The following PARD3 variants were observed in gnomAD, a reference collection of about 807,000 sequenced individuals.
PARD3 encodes partitioning defective 3 homolog.
A neutral mutation model predicts 155.4 loss-of-function variants in PARD3; 75 were observed. The observed-to-expected ratio is 0.48, with a 90% CI of 0.40 to 0.58. The LOEUF is 0.58. PARD3 is among the 20% of genes least tolerant of loss of function. The pLI is 0.00. For synonymous variants in PARD3, 576 were observed against 610.5 expected (o/e 0.94, Z 0.83); for missense variants, 1,642 against 1,721.7 (o/e 0.95, Z 0.82).
At chr10:34,218,925 C>A (rs570521820) in intron 22 of PARD3, among the ~76,000 whole-genome samples, 28 of 152,262 alleles carry the variant, frequency 1.8e-4, no homozygotes, top group Admixed American at 5.9e-4. Context: ...AAGATCAGAT[C>A]CGCATTCCAA....
intron 22 of PARD3, among the ~76,000 whole-genome samples, chr10:34,149,301 TCTC>T (rs1948671076): frequency 6.6e-6 from 1 of 152,092 alleles, no homozygotes; most frequent in Non-Finnish European, 1.5e-5. Context: ...TTCCTGGTAG[TCTC>T]CTCTTTCTTC....
At chr10:34,764,033 C>T (rs11009925) in intron 1 of PARD3, among the ~76,000 whole-genome samples, 44,297 of 152,012 alleles carry the variant, frequency 0.29, 6,795 homozygotes, top group East Asian at 0.54. Context: ...AAAAAGAAAA[C>T]GGAATTTGTA....
At chr10:34,740,850 A>T (rs1027293771) in intron 1 of PARD3, among the ~76,000 whole-genome samples, 4 of 152,218 alleles carry the variant, frequency 2.6e-5, no homozygotes, top group African/African-American at 9.6e-5. Context: ...ACAGTGGTTA[A>T]ATTTTTTTTA....
chr10:34,648,291 T>G (rs2092905257), intron 2 of PARD3, among the ~76,000 whole-genome samples: 1 of 152,158 alleles, frequency 6.6e-6, no homozygotes, highest in Admixed American at 6.5e-5. Context: ...TTCATGAATG[T>G]TTTATAGTTA....
At chr10:34,503,267 T>C (rs751277326) in intron 3 of PARD3, among the ~76,000 whole-genome samples, 1 of 152,188 alleles carries the variant, frequency 6.6e-6, no homozygotes, top group Non-Finnish European at 1.5e-5. Context: ...AATTAACGAA[T>C]GAGTCGGCCA....
In PARD3 at chr10:34,111,509, T is replaced by G. The variant is rs147832013; in HGVS notation, c.3722A>C (p.Tyr1241Ser). 1.9e-6 allele frequency: 3 copies of G among 1,613,436 alleles called. No individual in the cohort carries two copies. Among genetic ancestry groups the G allele is most frequent in the Non-Finnish European group, 2.5e-6 (3 of 1,179,678 alleles). ...ACTCTGGAAGCCTTCCCCAGGGGAGTAGTTCTGCTCCCAAGAGTCCTGGGA... is the reference window on the plus strand; with the variant it reads ...ACTCTGGAAGCCTTCCCCAGGGGAGGAGTTCTGCTCCCAAGAGTCCTGGGA... ...SVSQDSWEQNYSPGEGFQSAK... is the reference protein window; with the variant it reads ...SVSQDSWEQNSSPGEGFQSAK... The change falls in exon 25 of 25, where the codon TAC becomes TCC. Residue 1241 changes from tyrosine (Y) to serine (S), a missense_variant. This residue lies in a region of PARD3 where 1,529 missense variants were observed against 1,587.3 expected (regional missense o/e 0.96). Transcript: ENST00000374788.
At chr10:34,564,370 C>A (rs1251746900) in intron 2 of PARD3, among the ~76,000 whole-genome samples, 1 of 152,212 alleles carries the variant, frequency 6.6e-6, no homozygotes, top group Non-Finnish European at 1.5e-5. Context: ...ACTAACAGAA[C>A]CCTGATTTTA....
Position 34,115,893 on chromosome 10 carries a change from TAGTAGAGACA to T in PARD3, c.3668+3710_3668+3719del, listed in dbSNP as rs1305030647. On this transcript the variant is annotated intron_variant, in intron 24 of 24. Coordinates refer to ENST00000374788, the MANE Select transcript of PARD3 (RefSeq NM_001184785.2). ...AAGCCTGGCTAATGTTTTGTATTTTTAGTAGAGACAAGGTTTCACCGTGTTAGCCAGGATG... is the reference window on the plus strand; with the variant it reads ...AAGCCTGGCTAATGTTTTGTATTTTTAGGTTTCACCGTGTTAGCCAGGATG... Among the ~76,000 whole-genome samples the T allele has an allele frequency of 3.3e-5, 5 of 152,204 alleles. No homozygotes were observed. In the East Asian group the frequency reaches 5.8e-4, roughly 18 times the overall value.
intron 22 of PARD3, among the ~76,000 whole-genome samples, chr10:34,187,820 T>C (rs1306358094): frequency 2.0e-5 from 3 of 152,224 alleles, no homozygotes; most frequent in African/African-American, 7.2e-5. Flanking sequence ...AGCAATGCTT[T>C]GATTTTAAGG....
intron 2 of PARD3, among the ~76,000 whole-genome samples, chr10:34,575,992 C>T (rs2086857479): frequency 6.6e-6 from 1 of 152,178 alleles, no homozygotes; most frequent in South Asian, 2.1e-4. Context: ...AGCCATCTTT[C>T]TTTTCTACTG....
intron 1 of PARD3, among the ~76,000 whole-genome samples, chr10:34,785,135 A>G (rs1179878278): frequency 4.6e-5 from 7 of 152,276 alleles, no homozygotes; most frequent in Non-Finnish European, 4.4e-5. Flanking sequence ...TACAGGGAAA[A>G]TAATTGCTAA....
chr10:34,151,067 C>T (rs1948755982), intron 22 of PARD3, among the ~76,000 whole-genome samples: 1 of 151,992 alleles, frequency 6.6e-6, no homozygotes, highest in Non-Finnish European at 1.5e-5. Flanking sequence ...TTTCTAAGGC[C>T]CAGTGAATAG....
intron 22 of PARD3, among the ~76,000 whole-genome samples, chr10:34,155,339 C>A (rs1948955209): frequency 6.6e-6 from 1 of 152,172 alleles, no homozygotes; most frequent in African/African-American, 2.4e-5. Context: ...AAAATGCCAG[C>A]AAAGACATAA....
intron 5 of PARD3, among the ~76,000 whole-genome samples, chr10:34,415,382 C>T (rs1250689605): frequency 5.9e-5 from 9 of 151,950 alleles, no homozygotes; most frequent in African/African-American, 1.2e-4. Flanking sequence ...AGAAAGAGTT[C>T]GCAGAAGATC....
Position 34,378,118 on chromosome 10 carries a change from A to C in PARD3, c.1400-12T>G. On this transcript the variant is annotated splice_polypyrimidine_tract_variant and intron_variant, in intron 9 of 24. Transcript: ENST00000374788. ...CAAACCTTCTGTACCTAGGTATGTGAAGGAGAAGAAAAGTAAATAAAATGA... is the reference window on the plus strand; with the variant it reads ...CAAACCTTCTGTACCTAGGTATGTGCAGGAGAAGAAAAGTAAATAAAATGA... 3.8e-6 allele frequency: 6 copies of C among 1,562,818 alleles called. No individual in the cohort carries two copies. The highest frequency in any genetic ancestry group is 5.2e-6 in the Non-Finnish European group (6 of 1,158,000).
In PARD3 at chr10:34,337,449, A is replaced by G. The variant is rs773581903; in HGVS notation, c.2409-23T>C. On this transcript the variant is annotated intron_variant, in intron 16 of 24. Transcript: ENST00000374788. ...GAGCTGGAGTGAAGAAAAAATAAAA[A>G]TAAAAATATTTACTAAAAATAGCAC... 3 of 1,507,268 alleles carry G rather than the reference A, an allele frequency of 2.0e-6. No homozygotes were observed. The Admixed American group carries it at 7.0e-5, about 35-fold the overall frequency. 93.4% of individuals were successfully genotyped at this position (1,507,268 alleles called of 1,614,324 possible).
intron 2 of PARD3, among the ~76,000 whole-genome samples, chr10:34,538,287 T>C (rs1003792745): frequency 1.3e-5 from 2 of 152,194 alleles, no homozygotes; most frequent in Non-Finnish European, 2.9e-5. Context: ...AACAGGAACA[T>C]CAAGAAATCA....
chr10:34,351,977 G>C (rs908613410), intron 14 of PARD3, among the ~76,000 whole-genome samples: 1 of 152,078 alleles, frequency 6.6e-6, no homozygotes, highest in Non-Finnish European at 1.5e-5. Flanking sequence ...ATTCTAAGAG[G>C]GTTAAGCCTA....
intron 1 of PARD3, among the ~76,000 whole-genome samples, chr10:34,803,402 C>T (rs1230523145): frequency 6.6e-6 from 1 of 152,086 alleles, no homozygotes; most frequent in East Asian, 1.9e-4. Flanking sequence ...AGCAAAATAC[C>T]CATCACCAAA....
Sources: allele counts gnomAD v4.1 joint callset (sites outside exome capture counted in the v4.1 genomes callset), GRCh38; gene constraint gnomAD v4.1.1; regional missense constraint gnomAD v4.1.1; transcripts MANE v1.5; gene names NCBI Gene and HGNC (gene_info 2026-07-23, HGNC 2026-07-21).